The following STIM1 variants were observed in gnomAD, a reference collection of about 807,000 sequenced individuals.
The protein encoded by STIM1 is stromal interaction molecule 1.
STIM1 carries 25 observed loss-of-function variants against 74.7 expected under a neutral mutation model. That is an observed-to-expected ratio of 0.33 (90% confidence interval 0.24 to 0.47). The LOEUF (loss-of-function observed/expected upper bound fraction) is 0.47, where lower values mean the gene tolerates loss of function less well. Among genes scored for constraint, STIM1 ranks in the 20% least tolerant of loss-of-function variants. STIM1 has a pLI of 1.00. For missense variants in STIM1, 728 were observed against 920.8 expected (o/e 0.79, Z 2.71); for synonymous variants, 328 against 348.8 (o/e 0.94, Z 0.66).
At chr11:3,965,867 C>T (rs539888272) in intron 1 of STIM1, among the ~76,000 whole-genome samples, 42 of 152,122 alleles carry the variant, frequency 2.8e-4, no homozygotes, top group African/African-American at 9.4e-4. Context: ...ATTAGCCGGG[C>T]GTGGTGGCGC....
chr11:4,088,674 CTTAA>C (rs1269595438), intron 12 of STIM1: 2 of 1,534,970 alleles, frequency 1.3e-6, no homozygotes, highest in South Asian at 2.4e-5. Context: ...CTGTTCACTA[CTTAA>C]TTTTCTTTTG....
intron 2 of STIM1, among the ~76,000 whole-genome samples, chr11:3,989,724 GTTCAT>G (rs2093591475): frequency 6.6e-6 from 1 of 152,180 alleles, no homozygotes; most frequent in Non-Finnish European, 1.5e-5. Flanking sequence ...AGCCACTCTC[GTTCAT>G]TTACATATTG....
At chr11:3,928,610 C>T (rs1342718713) in intron 1 of STIM1, among the ~76,000 whole-genome samples, 1 of 151,860 alleles carries the variant, frequency 6.6e-6, no homozygotes, top group Non-Finnish European at 1.5e-5. Context: ...TGTGTGTGCG[C>T]GTGTGTGCAT....
intron 7 of STIM1, among the ~76,000 whole-genome samples, chr11:4,078,361 G>A (rs1428643617): frequency 3.3e-5 from 5 of 152,164 alleles, no homozygotes. Flanking sequence ...ATGCAGTTCT[G>A]CCACTTCGTA....
intron 2 of STIM1, among the ~76,000 whole-genome samples, chr11:3,979,987 C>T (rs2093485808): frequency 6.6e-6 from 1 of 152,158 alleles, no homozygotes; most frequent in Admixed American, 6.5e-5. Flanking sequence ...TCCTACTGAT[C>T]TTCCTCATCT....
intron 8 of STIM1, 141 bp from the exon 9 acceptor site, chr11:4,082,740 CT>C (rs774405311): frequency 1.4e-6 from 1 of 711,828 alleles, no homozygotes; most frequent in Non-Finnish European, 2.4e-6. Flanking sequence ...CTGCCTTTCT[CT>C]TTTTCCTCTT....
intron 1 of STIM1, among the ~76,000 whole-genome samples, chr11:3,858,871 G>T (rs2090490816): frequency 6.6e-6 from 1 of 152,148 alleles, no homozygotes; most frequent in South Asian, 2.1e-4. Context: ...CATTTTTATG[G>T]GTGAAGAAAC....
chr11:3,858,303 A>G (rs1187544770), intron 1 of STIM1, among the ~76,000 whole-genome samples: 2 of 146,662 alleles, frequency 1.4e-5, no homozygotes, highest in African/African-American at 2.5e-5. Context: ...GGACCACCCC[A>G]TGACTTGAGC....
rs116715480 is a variant in STIM1, at chr11:3,961,399, A to G, written c.140-6153A>G. The G allele has an allele frequency of 2.4e-3, 582 of 238,048 alleles. 19 individuals are homozygous for G. Among genetic ancestry groups the G allele is most frequent in the African/African-American group, 0.013 (538 of 42,860 alleles). 14.7% of individuals were successfully genotyped at this position (238,048 alleles called of 1,614,324 possible). Reference sequence around the variant, plus strand: ...TTAGAAACAAGCTATAACTGGGGACATTAATATTGAGTGTTCAGGAATGCT... The same window carrying G: ...TTAGAAACAAGCTATAACTGGGGACGTTAATATTGAGTGTTCAGGAATGCT... On this transcript the variant is annotated intron_variant, in intron 1 of 12. Coordinates refer to ENST00000526596, the MANE Select transcript of STIM1 (RefSeq NM_001382567.1).
chr11:3,876,324 C>CA (rs1277588051), intron 1 of STIM1, among the ~76,000 whole-genome samples: 1 of 152,146 alleles, frequency 6.6e-6, no homozygotes, highest in African/African-American at 2.4e-5. Flanking sequence ...AAGAAGGATG[C>CA]AAAATTAATG....
chr11:4,062,496 A>T (rs143451425), intron 5 of STIM1, among the ~76,000 whole-genome samples: 1 of 152,088 alleles, frequency 6.6e-6, no homozygotes, highest in African/African-American at 2.4e-5. Context: ...GTGGCACATG[A>T]CTGTAATCCT....
intron 2 of STIM1, among the ~76,000 whole-genome samples, chr11:4,015,760 T>C (rs1305642664): frequency 1.3e-5 from 2 of 152,212 alleles, no homozygotes; most frequent in Non-Finnish European, 2.9e-5. Context: ...CTTTTTTCTC[T>C]CATCTTGTCT....
intron 2 of STIM1, among the ~76,000 whole-genome samples, chr11:4,016,214 T>C (rs2093895118): frequency 6.6e-6 from 1 of 152,210 alleles, no homozygotes; most frequent in Non-Finnish European, 1.5e-5. Context: ...GTTGGTGACC[T>C]ACAGATGGGG....
intron 1 of STIM1, among the ~76,000 whole-genome samples, chr11:3,902,340 C>T (rs12804624): frequency 0.051 from 7,703 of 152,166 alleles, 271 homozygotes; most frequent in Middle Eastern, 0.12. Flanking sequence ...GGAAAATGAC[C>T]TGAGTGAAAA....
intron 1 of STIM1, among the ~76,000 whole-genome samples, chr11:3,913,353 A>AT (rs60166118): frequency 4.1e-4 from 60 of 146,012 alleles, no homozygotes; most frequent in East Asian, 2.2e-3. Context: ...ATGCCTGGCT[A>AT]TTTTTTTTTT....
At chr11:3,925,273 T>C (rs1401593992) in intron 1 of STIM1, among the ~76,000 whole-genome samples, 1 of 152,202 alleles carries the variant, frequency 6.6e-6, no homozygotes, top group Non-Finnish European at 1.5e-5. Flanking sequence ...CGCACGCCTG[T>C]AGTCCCAGCT....
chr11:3,979,754 C>A, intron 2 of STIM1, among the ~76,000 whole-genome samples: 1 of 152,154 alleles, frequency 6.6e-6, no homozygotes, highest in East Asian at 1.9e-4. Context: ...TTTGTTAATT[C>A]TCTGGACATA....
chr11:4,059,049 G>T (rs1418330827), intron 4 of STIM1: 1 of 893,848 alleles, frequency 1.1e-6, no homozygotes, highest in Non-Finnish European at 1.6e-6. Context: ...AGAGGATAGG[G>T]TGCTTAGAAG....
rs570083267 is a variant in STIM1 at position 3,905,224 on chromosome 11, G to A, written c.139+48815G>A. On this transcript the variant is annotated intron_variant, in intron 1 of 12. Transcript: ENST00000526596. ...GACAGCAGTTTCAGTGGAGGGGTGG[G>A]GACAGAAGCTAGACTGCTGTGGCTT... Among the ~76,000 whole-genome samples, 71 of 152,030 alleles carry A rather than the reference G, an allele frequency of 4.7e-4. No individual in the cohort carries two copies. The Middle Eastern group carries it at 0.017, about 36-fold the overall frequency.
Sources: gnomAD v4.1 joint callset for allele counts (sites outside exome capture counted in the v4.1 genomes callset) on GRCh38, gnomAD v4.1.1 for gene constraint, MANE v1.5 for transcripts, NCBI Gene and HGNC (gene_info 2026-07-23, HGNC 2026-07-21) for gene names.